Variants in ZNF444 observed in about 807,000 individuals in gnomAD.
ZNF444 encodes the protein endothelial zinc finger protein 2.
A neutral mutation model predicts 14.4 loss-of-function variants in ZNF444; 8 were observed. The observed-to-expected ratio is 0.56, with a 90% CI of 0.33 to 1.00. ZNF444 has a LOEUF of 1.00. Ranked by LOEUF, ZNF444 falls within the 50% of genes least tolerant of loss-of-function variation. ZNF444 has a pLI of 0.03. For missense variants in ZNF444, 510 were observed against 504.8 expected (o/e 1.01, Z -0.10); for synonymous variants, 258 against 235.9 (o/e 1.09, Z -0.86).
At chr19:56,149,663 G>T (rs746691970) in intron 3 of ZNF444, among the ~76,000 whole-genome samples, 1 of 151,894 alleles carries the variant, frequency 6.6e-6, no homozygotes, top group Non-Finnish European at 1.5e-5. Context: ...AGGCCCTGGT[G>T]TGTGATGTTC....
Position 56,159,872 on chromosome 19 carries a change from A to T in ZNF444, c.655A>T (p.Lys219Ter). 3 of 1,534,948 alleles carry T rather than the reference A, an allele frequency of 2.0e-6. No individual in the cohort carries two copies. The highest frequency in any genetic ancestry group is 2.6e-6 in the Non-Finnish European group (3 of 1,146,574). The change falls in exon 5 of 5, where the codon AAG becomes TAG. Residue 219 changes from lysine (K) to a stop codon, truncating the protein, a stop_gained. Coordinates refer to ENST00000337080, the MANE Select transcript of ZNF444 (RefSeq NM_018337.4). LOFTEE classifies it low-confidence loss of function (END_TRUNC). ...TGAGTGCGGGAAGGCCTTTCGGCGC[A>T]AGGAGCACCTGCGGCGCCACCGCGA... is the stretch of plus-strand genomic sequence containing the variant. The part of the protein sequence containing the change: ...CPECGKAFRR[K>*]EHLRRHRDTH...
At chr19:56,133,008 G>C (rs2030522394) in intron 1 of ZNF444, among the ~76,000 whole-genome samples, 1 of 129,608 alleles carries the variant, frequency 7.7e-6, no homozygotes, top group South Asian at 2.6e-4. Flanking sequence ...TGCGATCTTG[G>C]CTCACTGCAA....
chr19:56,132,564 G>A (rs2030504350), upstream of ZNF444: 1 of 152,214 alleles, frequency 6.6e-6, no homozygotes, highest in Admixed American at 6.5e-5. Context: ...GCAAAGCCCA[G>A]TTCAGCCCAG....
In ZNF444 at chr19:56,159,754, G is replaced by A. The variant is rs759831845; in HGVS notation, c.537G>A (p.Thr179=). 3.8e-6 allele frequency: 6 copies of A among 1,590,074 alleles called. No homozygotes were observed. Among genetic ancestry groups the A allele is most frequent in the Admixed American group, 3.4e-5 (2 of 58,160 alleles). ...CCTTCCTAGCGGCCCCGGGCACCAC[G>A]TCCTGCCCCGAGTGCGGCAAAACGT... The part of the protein sequence containing the change: ...LPAFLAAPGT[T]SCPECGKTSL... The change falls in exon 5 of 5, where the codon ACG becomes ACA. Residue 179 remains threonine, a synonymous_variant. Coordinates refer to ENST00000337080, the MANE Select transcript of ZNF444 (RefSeq NM_018337.4).
At chr19:56,138,988 G>C (rs191495836), upstream of ZNF444, among the ~76,000 whole-genome samples, 6 of 151,666 alleles carry the variant, frequency 4.0e-5, no homozygotes, top group African/African-American at 1.5e-4. Flanking sequence ...GTAGAGACGG[G>C]GTTTCACCAT....
chr19:56,136,642 G>A (rs889594821), upstream of ZNF444, among the ~76,000 whole-genome samples: 1 of 152,110 alleles, frequency 6.6e-6, no homozygotes, highest in Non-Finnish European at 1.5e-5. Context: ...GTGAAGCGGC[G>A]ACTATTCTAG....
chr19:56,135,277 CA>C (rs1351849407), intron 1 of ZNF444, among the ~76,000 whole-genome samples: 9 of 152,124 alleles, frequency 5.9e-5, no homozygotes, highest in African/African-American at 2.2e-4. Context: ...GGCATTCAAC[CA>C]AGTGCAGGGC....
intron 4 of ZNF444, among the ~76,000 whole-genome samples, chr19:56,159,021 C>T (rs777908954): frequency 3.3e-5 from 5 of 151,674 alleles, no homozygotes; most frequent in Non-Finnish European, 5.9e-5. Flanking sequence ...TCCACCCATG[C>T]ACCCACCCAT....
upstream of ZNF444, among the ~76,000 whole-genome samples, chr19:56,136,729 G>A (rs2051331366): frequency 6.6e-6 from 1 of 152,120 alleles, no homozygotes; most frequent in Admixed American, 6.5e-5. Flanking sequence ...AAATCGCTGG[G>A]CCCCCTGCTA....
chr19:56,160,506 G>C lies in ZNF444; in HGVS notation c.*305G>C. 2.8e-6 allele frequency: 1 copy of C among 358,172 alleles called. No homozygotes were observed. The highest frequency in any genetic ancestry group is 5.0e-6 in the Non-Finnish European group (1 of 199,294). 22.2% of individuals were successfully genotyped at this position (358,172 alleles called of 1,614,324 possible). A position where few individuals can be genotyped will look rare whatever the true frequency, so the allele number is the denominator to read the frequency against. Reference sequence around the variant, plus strand: ...CCTTCCCCCCTCTTCTCTCTCCTGCGGCCCAGCCTCCCTCTCCCTCCTCCA... The same window carrying C: ...CCTTCCCCCCTCTTCTCTCTCCTGCCGCCCAGCCTCCCTCTCCCTCCTCCA... On this transcript the variant is annotated 3_prime_UTR_variant, in exon 5 of 5. Coordinates refer to ENST00000337080, the MANE Select transcript of ZNF444 (RefSeq NM_018337.4).
intron 1 of ZNF444, chr19:56,141,641 C>T (rs1409553810): frequency 7.7e-5 from 1 of 12,996 alleles, no homozygotes; most frequent in Non-Finnish European, 3.6e-4. Flanking sequence ...GGGGGAGGGG[C>T]GCCTGGGGGA....
rs116225015 is a variant in ZNF444, at chr19:56,148,499, C to T, written c.297+1291C>T. ...AGTCCATGGCAGCCGGGCGGCCTTCCTTCCTTCCAGAGGGAGCAGCTCCCG... is the reference window on the plus strand; with the variant it reads ...AGTCCATGGCAGCCGGGCGGCCTTCTTTCCTTCCAGAGGGAGCAGCTCCCG... On this transcript the variant is annotated intron_variant, in intron 3 of 4. Transcript: ENST00000337080. Among the ~76,000 whole-genome samples, 938 of 152,248 alleles carry T rather than the reference C, an allele frequency of 6.2e-3. 13 individuals are homozygous for T. The highest frequency in any genetic ancestry group is 0.021 in the African/African-American group (888 of 41,526).
rs1025404218 is a variant in ZNF444 at position 56,159,679 on chromosome 19, C to G, written c.462C>G (p.Arg154=). Residue 154 remains arginine, a synonymous_variant, in exon 5 of 5, where the codon CGC becomes CGG. Transcript: ENST00000337080. The part of the protein sequence containing the change: ...GPAPGDSQAV[R]PYKQEPSSPP... ...CGCCTGGGGACTCCCAGGCTGTGCG[C>G]CCCTACAAGCAGGAGCCCAGCAGCC... The G allele has an allele frequency of 6.6e-7, 1 of 1,525,152 alleles. No individual in the cohort carries two copies. Among genetic ancestry groups the G allele is most frequent in the Admixed American group, 2.1e-5 (1 of 48,526 alleles). 94.5% of individuals were successfully genotyped at this position (1,525,152 alleles called of 1,614,324 possible). A position where few individuals can be genotyped will look rare whatever the true frequency, so the allele number is the denominator to read the frequency against.
At chr19:56,146,861 C>A (rs1370793552) in intron 2 of ZNF444, 29 bp from the exon 3 acceptor site, 7 of 1,339,298 alleles carry the variant, frequency 5.2e-6, no homozygotes, top group Non-Finnish European at 3.8e-6. Flanking sequence ...TCTCGGCGGG[C>A]AGGGGTCTCA....
chr19:56,142,554 C>T (rs1329876148), intron 1 of ZNF444, among the ~76,000 whole-genome samples: 2 of 152,168 alleles, frequency 1.3e-5, no homozygotes, highest in Admixed American at 6.5e-5. Context: ...GTATGTTGCA[C>T]AGGATAGCCC....
chr19:56,159,301 C>T (rs2123568483), intron 4 of ZNF444, among the ~76,000 whole-genome samples: 1 of 152,082 alleles, frequency 6.6e-6, no homozygotes, highest in Middle Eastern at 3.4e-3. Flanking sequence ...TTCATCTACC[C>T]ATCCATCATC....
rs2123475113 is a variant in ZNF444, at chr19:56,144,608, T to TG, written c.-196-1637dup. Among the ~76,000 whole-genome samples, 1 of 152,274 alleles carries TG rather than the reference T, an allele frequency of 6.6e-6. No homozygotes were observed. The highest frequency in any genetic ancestry group is 1.9e-4 in the East Asian group (1 of 5,180). ...GAGATGACGTTTGTGGTTAGTGACA[T>TG]GGCGGTCAGGAGCCCAGGCTTTGGT... On this transcript the variant is annotated intron_variant, in intron 1 of 4. Coordinates refer to ENST00000337080, the MANE Select transcript of ZNF444 (RefSeq NM_018337.4). The surrounding 1 kb of genome is among the most constrained non-coding windows in gnomAD (Gnocchi z 4.0).
intron 4 of ZNF444, 82 bp downstream of exon 4, chr19:56,158,684 C>G: frequency 7.9e-7 from 1 of 1,272,012 alleles, no homozygotes; most frequent in Non-Finnish European, 1.1e-6. Context: ...GGCACCAGGA[C>G]CCAGGACAAG....
intron 3 of ZNF444, among the ~76,000 whole-genome samples, chr19:56,153,702 GT>G (rs2031726403): frequency 6.6e-6 from 1 of 152,226 alleles, no homozygotes; most frequent in African/African-American, 2.4e-5. Flanking sequence ...AATCGGGGAA[GT>G]GCAGAGAAAA....
Sources: allele counts gnomAD v4.1 joint callset (sites outside exome capture counted in the v4.1 genomes callset), GRCh38; gene constraint gnomAD v4.1.1; non-coding constraint Gnocchi (gnomAD v3.1); transcripts MANE v1.5; gene names NCBI Gene and HGNC (gene_info 2026-07-23, HGNC 2026-07-21).